ZNF385D: variants seen among roughly 807,000 people sequenced by gnomAD.
ZNF385D encodes the protein zinc finger protein 385D.
Under a neutral mutation model 35.8 loss-of-function variants are expected in ZNF385D, and 15 were observed. The observed-to-expected ratio is 0.42, with a 90% confidence interval of 0.28 to 0.64. The LOEUF (loss-of-function observed/expected upper bound fraction) is 0.64. ZNF385D is among the 30% of genes least tolerant of loss of function. The probability of loss-of-function intolerance (pLI) is 0.23; values close to 1 mark genes in which losing one functional copy is unlikely to be tolerated. For synonymous variants in ZNF385D, 212 were observed against 186.8 expected (o/e 1.13, Z -1.10); for missense variants, 474 against 494.6 (o/e 0.96, Z 0.39).
chr3:21,851,308 C>G (rs1696374030), intron 3 of ZNF385D, among the ~76,000 whole-genome samples: 1 of 152,058 alleles, frequency 6.6e-6, no homozygotes, highest in African/African-American at 2.4e-5. Flanking sequence ...GCAACCAGAA[C>G]TCTCACATTG....
intron 2 of ZNF385D, among the ~76,000 whole-genome samples, chr3:21,575,595 A>G (rs1212318629): frequency 6.6e-6 from 1 of 152,152 alleles, no homozygotes; most frequent in Non-Finnish European, 1.5e-5. Flanking sequence ...TTTTTAGTCC[A>G]TCATCCCCTG....
intron 3 of ZNF385D, among the ~76,000 whole-genome samples, chr3:22,057,564 C>T (rs977249167): frequency 8.7e-5 from 13 of 149,970 alleles, no homozygotes; most frequent in Non-Finnish European, 1.0e-4. Flanking sequence ...GGCTGGAGTG[C>T]TGTGGTGTGA....
chr3:22,215,239 C>T (rs1697794811), intron 2 of ZNF385D, among the ~76,000 whole-genome samples: 1 of 151,832 alleles, frequency 6.6e-6, no homozygotes, highest in African/African-American at 2.4e-5. Flanking sequence ...AATCTGGGCA[C>T]CTTGAAAAAA....
intron 3 of ZNF385D, among the ~76,000 whole-genome samples, chr3:21,527,865 T>C (rs1007131467): frequency 7.9e-5 from 12 of 152,222 alleles, no homozygotes; most frequent in African/African-American, 2.9e-4. Context: ...GATTTTTACG[T>C]GAGCACTAAG....
chr3:22,125,632 A>G (rs902304793), intron 3 of ZNF385D, among the ~76,000 whole-genome samples: 2 of 152,046 alleles, frequency 1.3e-5, no homozygotes, highest in Non-Finnish European at 2.9e-5. Flanking sequence ...TTTCTTGTAA[A>G]GGTCTTTCAC....
chr3:22,355,352 T>C (rs1259844091), intron 2 of ZNF385D, among the ~76,000 whole-genome samples: 1 of 152,050 alleles, frequency 6.6e-6, no homozygotes, highest in Admixed American at 6.6e-5. Context: ...AAGACTCATC[T>C]GAATCTATAC....
At chr3:21,964,496 T>C (rs1702788329) in intron 3 of ZNF385D, among the ~76,000 whole-genome samples, 1 of 105,892 alleles carries the variant, frequency 9.4e-6, no homozygotes, top group Non-Finnish European at 1.7e-5. Flanking sequence ...TTTTTTTTTT[T>C]TTTTTTTTTC....
At chr3:22,036,844 T>A (rs1336162081) in intron 3 of ZNF385D, among the ~76,000 whole-genome samples, 1 of 147,938 alleles carries the variant, frequency 6.8e-6, no homozygotes, top group Non-Finnish European at 1.5e-5. Flanking sequence ...GTATATCTCC[T>A]AATGCTATCC....
chr3:21,524,218 C>T (rs1225570298), intron 3 of ZNF385D, among the ~76,000 whole-genome samples: 1 of 151,794 alleles, frequency 6.6e-6, no homozygotes, highest in Non-Finnish European at 1.5e-5. Context: ...GCTATGTGGT[C>T]GGTAGATTAG....
chr3:22,046,430 G>T (rs1260938447), intron 3 of ZNF385D, among the ~76,000 whole-genome samples: 1 of 152,010 alleles, frequency 6.6e-6, no homozygotes, highest in African/African-American at 2.4e-5. Context: ...TTGTAGATTG[G>T]CTAAAATTCC....
At chr3:21,619,273 T>C (rs1209208269) in intron 2 of ZNF385D, among the ~76,000 whole-genome samples, 1 of 152,152 alleles carries the variant, frequency 6.6e-6, no homozygotes, top group Non-Finnish European at 1.5e-5. Flanking sequence ...GCCTTGTGAA[T>C]ACAATCTTTT....
At chr3:21,568,884 A>C (rs182458243) in intron 2 of ZNF385D, among the ~76,000 whole-genome samples, 4 of 152,304 alleles carry the variant, frequency 2.6e-5, no homozygotes, top group Admixed American at 2.6e-4. Context: ...GATATATTTC[A>C]CCTAACCTGT....
intron 2 of ZNF385D, among the ~76,000 whole-genome samples, chr3:22,202,768 T>C (rs1286396904): frequency 6.6e-6 from 1 of 152,050 alleles, no homozygotes; most frequent in East Asian, 1.9e-4. Flanking sequence ...ACATTGAATG[T>C]GGGACTTTGC....
chr3:22,064,196 A>G (rs1217116789), intron 3 of ZNF385D, among the ~76,000 whole-genome samples: 1 of 152,220 alleles, frequency 6.6e-6, no homozygotes, highest in Non-Finnish European at 1.5e-5. Flanking sequence ...TTAGCTCAGG[A>G]GAAGCCATGA....
At chr3:21,576,755 G>C (rs1030161865) in intron 2 of ZNF385D, among the ~76,000 whole-genome samples, 1 of 152,062 alleles carries the variant, frequency 6.6e-6, no homozygotes, top group African/African-American at 2.4e-5. Context: ...AATGAGAAAA[G>C]CTACAGTTAG....
intron 2 of ZNF385D, among the ~76,000 whole-genome samples, chr3:22,364,267 T>C (rs566651703): frequency 2.0e-5 from 3 of 152,098 alleles, no homozygotes; most frequent in African/African-American, 7.2e-5. Context: ...AATAGGACTT[T>C]ATGAAAATTT....
At chr3:22,156,366 C>T (rs2125730287) in intron 3 of ZNF385D, among the ~76,000 whole-genome samples, 1 of 152,002 alleles carries the variant, frequency 6.6e-6, no homozygotes, top group South Asian at 2.1e-4. Flanking sequence ...AGACCAGATG[C>T]AAACTGTGGT....
intron 3 of ZNF385D, among the ~76,000 whole-genome samples, chr3:22,022,766 A>T (rs993562365): frequency 6.6e-6 from 1 of 152,212 alleles, no homozygotes; most frequent in Non-Finnish European, 1.5e-5. Context: ...TCAAGAACAT[A>T]TAACATTTAA....
At chr3:21,521,419 A>G (rs565704810) in intron 3 of ZNF385D, among the ~76,000 whole-genome samples, 7 of 152,350 alleles carry the variant, frequency 4.6e-5, no homozygotes, top group Non-Finnish European at 7.3e-5. Context: ...AATTAGAGAT[A>G]GAGTGGTGAA....
Sources: gnomAD v4.1 joint callset for allele counts (sites outside exome capture counted in the v4.1 genomes callset) on GRCh38, gnomAD v4.1.1 for gene constraint, MANE v1.5 for transcripts, NCBI Gene and HGNC (gene_info 2026-07-23, HGNC 2026-07-21) for gene names.